RNF144B: variants seen among roughly 807,000 people sequenced by gnomAD.
The protein encoded by RNF144B is E3 ubiquitin-protein ligase RNF144B.
In RNF144B, 25 loss-of-function variants were observed where a neutral mutation model predicts 40.2. That is an observed-to-expected ratio of 0.62 (90% CI 0.45 to 0.87). The LOEUF (loss-of-function observed/expected upper bound fraction) is 0.87, where lower values mean the gene tolerates loss of function less well. RNF144B is among the 40% of genes least tolerant of loss of function. RNF144B has a pLI of 0.00. For missense variants in RNF144B, 365 were observed against 373.7 expected, an observed-to-expected ratio of 0.98 and a Z score of 0.19; for synonymous variants, 145 against 136.3, an observed-to-expected ratio of 1.06 and a Z score of -0.44.
At chr6:18,409,230 T>G (rs1763299019) in intron 2 of RNF144B, among the ~76,000 whole-genome samples, 1 of 151,570 alleles carries the variant, frequency 6.6e-6, no homozygotes, top group Non-Finnish European at 1.5e-5. Flanking sequence ...ATACAAAAAT[T>G]TGCCAGGCAC....
At position 18,425,669 on chromosome 6, in the gene RNF144B, A is replaced by C. The variant is rs143405070; in HGVS notation, c.166-1912A>C. ...TAATTATATGGCGGTCAAGTGCAAG[A>C]GAGGAGTGACTGCAGAGGATCCCTG... On this transcript the variant is annotated intron_variant, in intron 2 of 7. Transcript: ENST00000259939. This position sits in a 1 kb window ranked among gnomAD's most constrained non-coding sequence, Gnocchi z 4.2. Among the ~76,000 whole-genome samples the C allele has an allele frequency of 6.6e-6, 1 of 152,308 alleles. No individual in the cohort carries two copies. The highest frequency in any genetic ancestry group is 1.5e-5 in the Non-Finnish European group (1 of 68,010).
At position 18,395,116 on chromosome 6, in the gene RNF144B, A is replaced by G. The variant is rs1248087766; in HGVS notation, c.-36-4383A>G. ...GGTGAGAGGCACAGTCACATCTATA[A>G]TCACTGTAAAAGTAATTATAATTGT... On this transcript the variant is annotated intron_variant, in intron 1 of 7. Transcript: ENST00000259939. The surrounding 1 kb of genome is among the most constrained non-coding windows in gnomAD (Gnocchi z 4.5). Among the ~76,000 whole-genome samples the G allele has an allele frequency of 6.6e-6, 1 of 152,244 alleles. No individual in the cohort carries two copies. Among genetic ancestry groups the G allele is most frequent in the Non-Finnish European group, 1.5e-5 (1 of 68,044 alleles).
chr6:18,424,585 TATTGTG>T (rs1758506703), intron 2 of RNF144B, among the ~76,000 whole-genome samples: 1 of 151,780 alleles, frequency 6.6e-6, no homozygotes, highest in South Asian at 2.1e-4. Context: ...TTAGTTGATA[TATTGTG>T]GTTTGTAGTG....
At chr6:18,453,253 C>T (rs1346776067) in intron 4 of RNF144B, among the ~76,000 whole-genome samples, 1 of 150,812 alleles carries the variant, frequency 6.6e-6, no homozygotes, top group Non-Finnish European at 1.5e-5. Flanking sequence ...ATTCTCCTGC[C>T]TCAGCCTCCC....
At chr6:18,390,052 G>T (rs1459657450) in intron 1 of RNF144B, among the ~76,000 whole-genome samples, 1 of 152,196 alleles carries the variant, frequency 6.6e-6, no homozygotes. Flanking sequence ...TATAAAGATG[G>T]CTAAGATGTG....
Position 18,422,424 on chromosome 6 carries a change from T to C in RNF144B, c.166-5157T>C, listed in dbSNP as rs1758446879. On this transcript the variant is annotated intron_variant, in intron 2 of 7. Transcript: ENST00000259939. The surrounding 1 kb of genome is among the most constrained non-coding windows in gnomAD (Gnocchi z 4.7). ...ATTTTATGGAATATGTACTTCAGTG[T>C]TTGCATTGTACCTGGAGTGATAAAA... Among the ~76,000 whole-genome samples the C allele has an allele frequency of 6.6e-6, 1 of 152,164 alleles. No individual in the cohort carries two copies. The highest frequency in any genetic ancestry group is 2.4e-5 in the African/African-American group (1 of 41,432).
Position 18,464,817 on chromosome 6 carries a change from C to A in RNF144B, c.772-110C>A. ...GGGATTTAGGGTTTCAACATATGAGCTTCAGGGGGACACAAACATTTGGCC... is the reference window on the plus strand; with the variant it reads ...GGGATTTAGGGTTTCAACATATGAGATTCAGGGGGACACAAACATTTGGCC... On this transcript the variant is annotated intron_variant, in intron 7 of 7. Coordinates refer to ENST00000259939, the MANE Select transcript of RNF144B (RefSeq NM_182757.4). This position sits in a 1 kb window ranked among gnomAD's most constrained non-coding sequence, Gnocchi z 6.1. 1 of 1,061,442 alleles carries A rather than the reference C, an allele frequency of 9.4e-7. No homozygotes were observed. Among genetic ancestry groups the A allele is most frequent in the African/African-American group, 1.6e-5 (1 of 63,954 alleles). The allele number at this position is 1,061,442 out of a possible 1,614,324, so 65.8% of individuals were successfully genotyped here. A position where few individuals can be genotyped will look rare whatever the true frequency, so the allele number is the denominator to read the frequency against.
In RNF144B at chr6:18,398,426, T is replaced by C. The variant is rs1794733133; in HGVS notation, c.-36-1073T>C. On this transcript the variant is annotated intron_variant, in intron 1 of 7. Transcript: ENST00000259939. This position sits in a 1 kb window ranked among gnomAD's most constrained non-coding sequence, Gnocchi z 5.0. The stretch of plus-strand genomic sequence containing the variant: ...TCATTCTGTCACCCAGGCTGGAGTG[T>C]GGTGACGCAATCTTGACTCACTGCA... 2.0e-5 allele frequency among the ~76,000 whole-genome samples: 3 copies of C among 152,156 alleles called. No individual in the cohort carries two copies. The South Asian group carries it at 6.2e-4, about 31-fold the overall frequency.
chr6:18,411,592 C>T (rs2328266), intron 2 of RNF144B, among the ~76,000 whole-genome samples: 91,901 of 141,284 alleles, frequency 0.65, 29,859 homozygotes, highest in Middle Eastern at 0.71. Context: ...CAATCTCTGC[C>T]TCCTGGGTTC....
At chr6:18,429,150 A>G (rs1444532927) in intron 3 of RNF144B, among the ~76,000 whole-genome samples, 1 of 152,108 alleles carries the variant, frequency 6.6e-6, no homozygotes, top group Non-Finnish European at 1.5e-5. Flanking sequence ...GTAAGCCTTG[A>G]TCACATCACT....
rs1023165073 is a variant in RNF144B, at chr6:18,425,837, T to G, written c.166-1744T>G. On this transcript the variant is annotated intron_variant, in intron 2 of 7. Coordinates refer to ENST00000259939, the MANE Select transcript of RNF144B (RefSeq NM_182757.4). The surrounding 1 kb of genome is among the most constrained non-coding windows in gnomAD (Gnocchi z 4.2). ...CAACATTTATTTCAGTGTTCTATTT[T>G]GGGTATTTAGGTTATTTTCTAGTTT... is the stretch of plus-strand genomic sequence containing the variant. Among the ~76,000 whole-genome samples the G allele has an allele frequency of 2.5e-4, 38 of 152,212 alleles. No homozygotes were observed. Among genetic ancestry groups the G allele is most frequent in the African/African-American group, 8.7e-4 (36 of 41,454 alleles).
rs746460789 is a variant in RNF144B, at chr6:18,427,576, T to C, written c.166-5T>C. 1 of 1,608,636 alleles carries C rather than the reference T, an allele frequency of 6.2e-7. No individual in the cohort carries two copies. The highest frequency in any genetic ancestry group is 2.2e-5 in the East Asian group (1 of 44,812). ...GGCAATTGTCTTTTTTTTCTTAACT[T>C]CCAGTGCCTGAAACAGTACATGCAG... On this transcript the variant is annotated splice_polypyrimidine_tract_variant and splice_region_variant and intron_variant, in intron 2 of 7. Transcript: ENST00000259939.
intron 3 of RNF144B, among the ~76,000 whole-genome samples, chr6:18,428,924 G>A (rs1440716921): frequency 6.6e-6 from 1 of 152,188 alleles, no homozygotes; most frequent in Non-Finnish European, 1.5e-5. Flanking sequence ...AGGTGCTGTG[G>A]CTCACACCTG....
intron 1 of RNF144B, among the ~76,000 whole-genome samples, chr6:18,394,869 T>C (rs1356693310): frequency 6.6e-6 from 1 of 152,190 alleles, no homozygotes; most frequent in Non-Finnish European, 1.5e-5. Flanking sequence ...GAACTGCTGG[T>C]TCTCCTTTCC....
At position 18,434,548 on chromosome 6, in the gene RNF144B, C is replaced by T. The variant is rs1354816902; in HGVS notation, c.271-5136C>T. 1.3e-5 allele frequency among the ~76,000 whole-genome samples: 2 copies of T among 152,146 alleles called. No individual in the cohort carries two copies. Among genetic ancestry groups the T allele is most frequent in the Admixed American group, 1.3e-4 (2 of 15,274 alleles). On this transcript the variant is annotated intron_variant, in intron 3 of 7. Coordinates refer to ENST00000259939, the MANE Select transcript of RNF144B (RefSeq NM_182757.4). The surrounding 1 kb of genome is among the most constrained non-coding windows in gnomAD (Gnocchi z 4.1). ...CCCGTGTGTAGGTGTGGTCTGGCTT[C>T]CCTGGATATGCTCTGCTAGGGATGA... is the stretch of plus-strand genomic sequence containing the variant.
At chr6:18,427,972 T>C (rs746097973) in intron 3 of RNF144B, among the ~76,000 whole-genome samples, 1 of 152,200 alleles carries the variant, frequency 6.6e-6, no homozygotes, top group Non-Finnish European at 1.5e-5. Context: ...GAGGCTGATA[T>C]GATTTGGCTC....
chr6:18,453,951 A>G (rs1188813662), intron 4 of RNF144B, among the ~76,000 whole-genome samples: 2 of 152,152 alleles, frequency 1.3e-5, no homozygotes, highest in East Asian at 3.8e-4. Flanking sequence ...TCAGTACCTC[A>G]CTCACAAGTC....
intron 2 of RNF144B, among the ~76,000 whole-genome samples, chr6:18,411,857 G>A (rs1057347431): frequency 5.3e-5 from 8 of 151,934 alleles, no homozygotes; most frequent in South Asian, 2.1e-4. Flanking sequence ...TAGAGAAATG[G>A]GATCTTTAAC....
chr6:18,463,556 T>C (rs1209436118), intron 7 of RNF144B, among the ~76,000 whole-genome samples, 176 bp downstream of exon 7: 1 of 152,168 alleles, frequency 6.6e-6, no homozygotes, highest in Non-Finnish European at 1.5e-5. Context: ...CTAAAGTTAA[T>C]TCATGAGCAC....
Sources: gnomAD v4.1 joint callset for allele counts (sites outside exome capture counted in the v4.1 genomes callset) on GRCh38, gnomAD v4.1.1 for gene constraint, Gnocchi (gnomAD v3.1) non-coding constraint, MANE v1.5 for transcripts, NCBI Gene and HGNC (gene_info 2026-07-23, HGNC 2026-07-21) for gene names.